SLIT2: variants seen among roughly 807,000 people sequenced by gnomAD.
SLIT2 encodes slit guidance ligand 2, also known as slit homolog 2 protein.
Under a neutral mutation model 185.7 loss-of-function variants are expected in SLIT2, and 41 were observed. The ratio of observed to expected loss-of-function variants is 0.22; its 90% CI spans 0.17 to 0.29. SLIT2 has a LOEUF of 0.29. SLIT2 is among the 10% of genes least tolerant of loss of function. SLIT2 has a pLI of 1.00. For missense variants in SLIT2, 1,571 were observed against 1,909.0 expected (o/e 0.82, Z 3.30); for synonymous variants, 693 against 680.2 (o/e 1.02, Z -0.29).
chr4:20,573,938 T>TTTTA (rs10673597), intron 29 of SLIT2, among the ~76,000 whole-genome samples: 4,302 of 140,722 alleles, frequency 0.031, 84 homozygotes, highest in African/African-American at 0.049. Flanking sequence ...CATAGAATTA[T>TTTTA]TTTATTTATT....
At chr4:20,353,996 G>A (rs1159057681) in intron 4 of SLIT2, among the ~76,000 whole-genome samples, 5 of 152,072 alleles carry the variant, frequency 3.3e-5, no homozygotes, top group Admixed American at 1.3e-4. Flanking sequence ...TGTTCATTGC[G>A]TAGGATAAAA....
intron 4 of SLIT2, among the ~76,000 whole-genome samples, chr4:20,403,448 G>A (rs1037786731): frequency 1.3e-5 from 2 of 151,904 alleles, no homozygotes; most frequent in Non-Finnish European, 1.5e-5. Context: ...TATTCTGTTA[G>A]CATGATGAAC....
At chr4:20,368,027 G>A (rs1234825809) in intron 4 of SLIT2, among the ~76,000 whole-genome samples, 1 of 151,862 alleles carries the variant, frequency 6.6e-6, no homozygotes, top group Non-Finnish European at 1.5e-5. Context: ...TCTTTTTTCT[G>A]TTCTTGAAAA....
At chr4:20,318,088 A>T (rs1422779103) in intron 4 of SLIT2, among the ~76,000 whole-genome samples, 2 of 152,126 alleles carry the variant, frequency 1.3e-5, no homozygotes, top group Admixed American at 1.3e-4. Context: ...ACATCAGAAG[A>T]ATTTTTTCTT....
chr4:20,456,783 G>A (rs1713115801), intron 4 of SLIT2, among the ~76,000 whole-genome samples: 1 of 151,978 alleles, frequency 6.6e-6, no homozygotes, highest in Non-Finnish European at 1.5e-5. Flanking sequence ...GAGAATAAAA[G>A]GATTTTAAAG....
chr4:20,511,145 T>C lies in SLIT2; in HGVS notation c.1058+8T>C. On this transcript the variant is annotated splice_region_variant and intron_variant, in intron 11 of 36. Coordinates refer to ENST00000504154, the MANE Select transcript of SLIT2 (RefSeq NM_004787.4). ...ACGCTCTCTGAATTCACTGTAAGTA[T>C]TCACTGTGTCACTGAAGGAAAAGAG... is the stretch of plus-strand genomic sequence containing the variant. 1 of 1,563,058 alleles carries C rather than the reference T, an allele frequency of 6.4e-7. No individual in the cohort carries two copies. The highest frequency in any genetic ancestry group is 1.1e-5 in the South Asian group (1 of 88,892).
At chr4:20,498,478 C>A (rs746234816) in intron 9 of SLIT2, among the ~76,000 whole-genome samples, 2 of 152,136 alleles carry the variant, frequency 1.3e-5, no homozygotes, top group Non-Finnish European at 2.9e-5. Context: ...ACTTAGATCA[C>A]CTTTTGAGGT....
intron 4 of SLIT2, among the ~76,000 whole-genome samples, chr4:20,411,466 T>C (rs1187399107): frequency 6.6e-6 from 1 of 152,040 alleles, no homozygotes; most frequent in Non-Finnish European, 1.5e-5. Flanking sequence ...AGCCAGGGGG[T>C]CTGGCTTCTG....
chr4:20,468,259 CTAT>C (rs1402598289), intron 5 of SLIT2, among the ~76,000 whole-genome samples: 1 of 152,028 alleles, frequency 6.6e-6, no homozygotes, highest in Non-Finnish European at 1.5e-5. Flanking sequence ...AGAATATGGA[CTAT>C]TATTTTCTGG....
At chr4:20,537,875 A>G (rs898298013) in intron 18 of SLIT2, among the ~76,000 whole-genome samples, 3 of 152,194 alleles carry the variant, frequency 2.0e-5, no homozygotes, top group African/African-American at 7.2e-5. Flanking sequence ...ATTCCTTGAC[A>G]TTGCAGGTGA....
chr4:20,436,914 G>A (rs917771194), intron 4 of SLIT2, among the ~76,000 whole-genome samples: 4 of 152,018 alleles, frequency 2.6e-5, no homozygotes. Flanking sequence ...TGTAAAACTA[G>A]GCAAAGTCCA....
intron 4 of SLIT2, among the ~76,000 whole-genome samples, chr4:20,294,651 A>G (rs66906039): frequency 0.084 from 12,853 of 152,242 alleles, 623 homozygotes; most frequent in African/African-American, 0.13. Flanking sequence ...GAAGTTATAT[A>G]TGGCCTTTTA....
chr4:20,615,879 G>T (rs1453214917), intron 34 of SLIT2: 1 of 152,166 alleles, frequency 6.6e-6, no homozygotes, highest in Non-Finnish European at 1.5e-5. Context: ...CGGGGTTGTG[G>T]GGATGTGGTG....
rs1318974566 is a variant in SLIT2 at position 20,596,479 on chromosome 4, G to T, written c.3385G>T (p.Asp1129Tyr). The T allele has an allele frequency of 6.2e-7, 1 of 1,613,816 alleles. No homozygotes were observed. Residue 1129 changes from aspartate (D) to tyrosine (Y), a missense_variant, in exon 32 of 37, where the codon GAT (aspartate) becomes TAT (tyrosine). Physicochemically the swap from Asp to Tyr is radical, Grantham distance 160. Coordinates refer to ENST00000504154, the MANE Select transcript of SLIT2 (RefSeq NM_004787.4). ...LPRTSPCDNF[D>Y]CQNGAQCIVR... is the part of the protein sequence containing the mutation. ...TCGTACCAGCCCCTGTGATAATTTT[G>T]ATTGTCAGAATGGAGCTCAGTGTAT...
intron 4 of SLIT2, among the ~76,000 whole-genome samples, chr4:20,386,358 A>G (rs1224934543): frequency 6.6e-6 from 1 of 152,218 alleles, no homozygotes; most frequent in East Asian, 1.9e-4. Context: ...TAAAATATTA[A>G]TTATGCTAAA....
chr4:20,416,177 TACCAC>T (rs1183934419), intron 4 of SLIT2, among the ~76,000 whole-genome samples: 1 of 152,164 alleles, frequency 6.6e-6, no homozygotes, highest in East Asian at 1.9e-4. Flanking sequence ...CATAGCAAAA[TACCAC>T]AGACTGGGAA....
rs377502616 is a variant in SLIT2 at position 20,386,106 on chromosome 4, T to C, written c.396-81646T>C. 3.9e-5 allele frequency among the ~76,000 whole-genome samples: 6 copies of C among 152,272 alleles called. No individual in the cohort carries two copies. The East Asian group carries it at 5.8e-4, about 15-fold the overall frequency. On this transcript the variant is annotated intron_variant, in intron 4 of 36. Coordinates refer to ENST00000504154, the MANE Select transcript of SLIT2 (RefSeq NM_004787.4). ...AATGTGTATGATATATGTATAAGTG[T>C]ATAAAAGCTCATGCATTTGACTCAT...
intron 35 of SLIT2, 94 bp downstream of exon 35, chr4:20,617,292 AGGGAGGGGAG>A: frequency 2.2e-6 from 1 of 460,994 alleles, no homozygotes; most frequent in Non-Finnish European, 4.2e-6. Flanking sequence ...GGGGACGGGA[AGGGAGGGGAG>A]GGGAGGGGAG....
intron 5 of SLIT2, among the ~76,000 whole-genome samples, chr4:20,472,475 G>GAT (rs1465023453): frequency 3.1e-5 from 1 of 32,302 alleles, no homozygotes; most frequent in Admixed American, 6.3e-4. Context: ...TCTATATATA[G>GAT]ATATATATCT....
Sources: gnomAD v4.1 joint callset for allele counts (sites outside exome capture counted in the v4.1 genomes callset) on GRCh38, gnomAD v4.1.1 for gene constraint, MANE v1.5 for transcripts, NCBI Gene and HGNC (gene_info 2026-07-23, HGNC 2026-07-21) for gene names.